The following WDPCP variants were observed in gnomAD, a reference collection of about 807,000 sequenced individuals.
The protein encoded by WDPCP is WD repeat containing planar cell polarity effector.
A neutral mutation model predicts 93.1 loss-of-function variants in WDPCP; 71 were observed. The ratio of observed to expected loss-of-function variants is 0.76; its 90% CI spans 0.63 to 0.93. The LOEUF (loss-of-function observed/expected upper bound fraction) is 0.93, where lower values mean the gene tolerates loss of function less well. WDPCP is among the 40% of genes least tolerant of loss of function. The pLI is 0.00. For synonymous variants in WDPCP, 315 were observed against 315.0 expected, an observed-to-expected ratio of 1.00 and a Z score of 0.00; for missense variants, 844 against 887.4, an observed-to-expected ratio of 0.95 and a Z score of 0.62.
intron 1 of WDPCP, among the ~76,000 whole-genome samples, chr2:63,574,790 G>A (rs911706354): frequency 1.3e-5 from 2 of 152,164 alleles, no homozygotes; most frequent in African/African-American, 4.8e-5. Context: ...ACTCAGTAGA[G>A]AGAAAAGTTG....
chr2:63,585,166 TAC>T (rs1708756929), intron 1 of WDPCP, among the ~76,000 whole-genome samples: 1 of 152,228 alleles, frequency 6.6e-6, no homozygotes, highest in Admixed American at 6.5e-5. Context: ...TCATTGAGAC[TAC>T]AGTTTTAAAT....
At chr2:63,574,487 C>T (rs1332288398) in intron 1 of WDPCP, among the ~76,000 whole-genome samples, 1 of 152,080 alleles carries the variant, frequency 6.6e-6, no homozygotes, top group Non-Finnish European at 1.5e-5. Flanking sequence ...AGTTTTTAAC[C>T]AATCAATTTG....
At chr2:63,769,428 A>G (rs1395877684) in intron 2 of WDPCP, among the ~76,000 whole-genome samples, 4 of 151,996 alleles carry the variant, frequency 2.6e-5, no homozygotes, top group African/African-American at 9.7e-5. Flanking sequence ...GAGTTAAAGT[A>G]GCAGCTAAAA....
At chr2:63,205,799 A>G (rs1461713468) in intron 14 of WDPCP, among the ~76,000 whole-genome samples, 3 of 152,148 alleles carry the variant, frequency 2.0e-5, no homozygotes, top group Admixed American at 1.3e-4. Flanking sequence ...TTCCTTTCCA[A>G]TATGGATGCC....
chr2:63,265,645 A>G (rs774703606), intron 13 of WDPCP, among the ~76,000 whole-genome samples: 4 of 152,200 alleles, frequency 2.6e-5, no homozygotes, highest in Admixed American at 6.5e-5. Flanking sequence ...AAGAGGACGT[A>G]CTTCCAAACT....
At chr2:63,555,231 A>AGACTGCCTCTTGAGGCCG (rs1006981039) in intron 1 of WDPCP, among the ~76,000 whole-genome samples, 1 of 152,240 alleles carries the variant, frequency 6.6e-6, no homozygotes, top group African/African-American at 2.4e-5. Context: ...GATTGTGGCC[A>AGACTGCCTCTTGAGGCCG]GACTGCCTCT....
intron 12 of WDPCP, chr2:63,369,401 G>A: frequency 2.2e-6 from 1 of 456,584 alleles, no homozygotes; most frequent in Non-Finnish European, 4.4e-6. Flanking sequence ...AGTATGGTGG[G>A]TCTGCAGATG....
chr2:63,486,471 C>T, intron 4 of WDPCP, 71 bp downstream of exon 4: 1 of 1,396,058 alleles, frequency 7.2e-7, no homozygotes, highest in Non-Finnish European at 9.8e-7. Flanking sequence ...CCTCTTTGTT[C>T]CAGATGAATA....
At chr2:63,506,903 G>C (rs997973247) in intron 1 of WDPCP, among the ~76,000 whole-genome samples, 1 of 151,724 alleles carries the variant, frequency 6.6e-6, no homozygotes, top group Non-Finnish European at 1.5e-5. Context: ...AAATATGAGA[G>C]CCAAAACAAA....
intron 15 of WDPCP, among the ~76,000 whole-genome samples, chr2:63,163,904 A>T (rs553828561): frequency 2.6e-5 from 4 of 152,238 alleles, no homozygotes; most frequent in South Asian, 2.1e-4. Flanking sequence ...CTGCTTAGAC[A>T]TGAATCAAAT....
chr2:63,574,729 G>A (rs961626726), intron 1 of WDPCP, among the ~76,000 whole-genome samples: 2 of 152,186 alleles, frequency 1.3e-5, no homozygotes, highest in Admixed American at 6.5e-5. Context: ...AATTCAGTGA[G>A]TGTTTTGGCT....
intron 17 of WDPCP, among the ~76,000 whole-genome samples, chr2:63,143,077 G>C (rs1332689615): frequency 6.6e-6 from 1 of 152,004 alleles, no homozygotes; most frequent in Non-Finnish European, 1.5e-5. Context: ...CAGCCTCGTG[G>C]AGTAGCGGGG....
chr2:63,127,417 C>A (rs1284709661), intron 17 of WDPCP, among the ~76,000 whole-genome samples: 2 of 151,678 alleles, frequency 1.3e-5, no homozygotes, highest in African/African-American at 4.8e-5. Flanking sequence ...GCCACCGCAC[C>A]CGGCCTGAAA....
At chr2:63,361,470 A>G (rs1690448372) in intron 12 of WDPCP, among the ~76,000 whole-genome samples, 3 of 152,242 alleles carry the variant, frequency 2.0e-5, no homozygotes, top group Admixed American at 2.0e-4. Context: ...CAAGGCATAT[A>G]GTAAACAAGT....
intron 1 of WDPCP, among the ~76,000 whole-genome samples, chr2:63,526,712 A>C (rs1157326540): frequency 6.6e-6 from 1 of 152,162 alleles, no homozygotes; most frequent in African/African-American, 2.4e-5. Flanking sequence ...CTCATGATTC[A>C]GATCTCTTTG....
chr2:63,308,539 T>C (rs1478076143), intron 13 of WDPCP, among the ~76,000 whole-genome samples: 1 of 152,306 alleles, frequency 6.6e-6, no homozygotes, highest in South Asian at 2.1e-4. Context: ...GTGGCACATA[T>C]ACACCATGGA....
chr2:63,491,699 G>A (rs1700888734), intron 2 of WDPCP, among the ~76,000 whole-genome samples: 1 of 152,098 alleles, frequency 6.6e-6, no homozygotes, highest in Non-Finnish European at 1.5e-5. Flanking sequence ...TATTTCCACA[G>A]CATGAAAGGT....
chr2:63,499,068 C>T (rs1049175915), intron 1 of WDPCP, among the ~76,000 whole-genome samples: 1 of 152,116 alleles, frequency 6.6e-6, no homozygotes, highest in Non-Finnish European at 1.5e-5. Context: ...GTCATAGATA[C>T]AAAGTTTTAT....
chr2:63,404,295 G>A lies in WDPCP; in HGVS notation c.1188C>T (p.Ser396=). ...HPSGAILLVG[S]NQGELQIFDM... ...CAAAAATTTGCAACTCCCCTTGGTT[G>A]CTGCCAACTAGCAGAATGGCACCAC... Residue 396 remains serine, a synonymous_variant, in exon 10 of 18, where the codon AGC becomes AGT. Coordinates refer to ENST00000272321, the MANE Select transcript of WDPCP (RefSeq NM_015910.7). 2 of 1,614,138 alleles carry A rather than the reference G, an allele frequency of 1.2e-6. No individual in the cohort carries two copies. Among genetic ancestry groups the A allele is most frequent in the East Asian group, 4.5e-5 (2 of 44,876 alleles).
Sources: allele counts gnomAD v4.1 joint callset (sites outside exome capture counted in the v4.1 genomes callset), GRCh38; gene constraint gnomAD v4.1.1; transcripts MANE v1.5; gene names NCBI Gene and HGNC (gene_info 2026-07-23, HGNC 2026-07-21).